Variants in ITFG1 observed in about 807,000 individuals in gnomAD.
The protein encoded by ITFG1 is integrin alpha FG-GAP repeat containing 1.
A neutral mutation model predicts 81.8 loss-of-function variants in ITFG1; 34 were observed. The ratio of observed to expected loss-of-function variants is 0.42; its 90% CI spans 0.32 to 0.55. The LOEUF (loss-of-function observed/expected upper bound fraction) is 0.55. Ranked by LOEUF, ITFG1 falls within the 20% of genes least tolerant of loss-of-function variation. ITFG1 has a pLI of 0.17. For missense variants in ITFG1, 672 were observed against 755.4 expected (o/e 0.89, Z 1.29); for synonymous variants, 285 against 270.6 (o/e 1.05, Z -0.52).
intron 8 of ITFG1, among the ~76,000 whole-genome samples, chr16:47,338,655 CT>C (rs879271028): frequency 1.4e-3 from 202 of 141,620 alleles, no homozygotes; most frequent in Admixed American, 2.2e-3. Context: ...AAAAACTTTA[CT>C]TTTTTTTTTT....
In ITFG1 at chr16:47,205,276, T is replaced by C. The variant is rs183120393; in HGVS notation, c.1453+13592A>G. On this transcript the variant is annotated intron_variant, in intron 14 of 17. Transcript: ENST00000320640. ...TGTTATAGTTTGCTTAGCAGCCTCCTGGCCTCTATCCACTAGATGCCAGTA... is the reference window on the plus strand; with the variant it reads ...TGTTATAGTTTGCTTAGCAGCCTCCCGGCCTCTATCCACTAGATGCCAGTA... Among the ~76,000 whole-genome samples the C allele has an allele frequency of 3.0e-4, 45 of 152,336 alleles. 1 individual carries two copies. The highest frequency in any genetic ancestry group is 2.7e-3 in the Admixed American group (42 of 15,304).
Position 47,460,830 on chromosome 16 carries a change from GC to G in ITFG1, c.208+7del. On this transcript the variant is annotated splice_region_variant and intron_variant, in intron 1 of 17. Transcript: ENST00000320640. ...AGCGAACAGAGGGAGGGCCCGGCAA[GC>G]ACTGACTTTCCCGCAGCACGAAGAG... The G allele has an allele frequency of 2.5e-6, 4 of 1,612,848 alleles. No homozygotes were observed. Among genetic ancestry groups the G allele is most frequent in the Non-Finnish European group, 3.4e-6 (4 of 1,179,674 alleles).
chr16:47,433,275 T>C (rs1377669937), intron 5 of ITFG1, among the ~76,000 whole-genome samples: 1 of 152,252 alleles, frequency 6.6e-6, no homozygotes, highest in Non-Finnish European at 1.5e-5. Context: ...TGGGCCCATA[T>C]ACTCCTTTAA....
chr16:47,244,591 TTGTGTGTGTGTG>T (rs57470225), intron 12 of ITFG1, among the ~76,000 whole-genome samples: 19,478 of 118,026 alleles, frequency 0.17, 1,857 homozygotes, highest in Middle Eastern at 0.24. Flanking sequence ...ATTCCATCTT[TTGTGTGTGTGTG>T]TGTGTGTGTG....
At chr16:47,274,870 T>A (rs1302844980) in intron 10 of ITFG1, among the ~76,000 whole-genome samples, 2 of 152,186 alleles carry the variant, frequency 1.3e-5, no homozygotes, top group Non-Finnish European at 2.9e-5. Flanking sequence ...TTAAATACCA[T>A]AGCCATAATG....
At chr16:47,186,084 C>G (rs1965210751) in intron 14 of ITFG1, among the ~76,000 whole-genome samples, 1 of 152,056 alleles carries the variant, frequency 6.6e-6, no homozygotes, top group Non-Finnish European at 1.5e-5. Flanking sequence ...TCTGAATAGA[C>G]CAATAACAGG....
intron 12 of ITFG1, among the ~76,000 whole-genome samples, chr16:47,251,931 A>G (rs1966080906): frequency 6.6e-6 from 1 of 152,252 alleles, no homozygotes; most frequent in Non-Finnish European, 1.5e-5. Flanking sequence ...AACCACAGAA[A>G]GTGAAACTGT....
At chr16:47,346,447 A>G (rs1366023765) in intron 8 of ITFG1, among the ~76,000 whole-genome samples, 2 of 152,216 alleles carry the variant, frequency 1.3e-5, no homozygotes, top group Non-Finnish European at 2.9e-5. Flanking sequence ...GACTACAGCA[A>G]TAAACACATA....
chr16:47,255,053 C>T (rs1966124171), intron 12 of ITFG1, among the ~76,000 whole-genome samples: 1 of 152,152 alleles, frequency 6.6e-6, no homozygotes, highest in African/African-American at 2.4e-5. Flanking sequence ...CGCCACTGCA[C>T]TCCAGTCTGG....
At chr16:47,414,215 G>A (rs1326153653) in intron 6 of ITFG1, among the ~76,000 whole-genome samples, 2 of 151,310 alleles carry the variant, frequency 1.3e-5, no homozygotes, top group African/African-American at 4.9e-5. Flanking sequence ...ATGTTTAACT[G>A]AATTTTACAA....
chr16:47,312,417 G>T (rs372060932), intron 9 of ITFG1: 2 of 151,858 alleles, frequency 1.3e-5, no homozygotes, highest in East Asian at 1.9e-4. Flanking sequence ...AATAAACAGG[G>T]TATCTCCAAC....
chr16:47,413,889 T>C (rs183824560), intron 6 of ITFG1, among the ~76,000 whole-genome samples: 2 of 152,254 alleles, frequency 1.3e-5, no homozygotes, highest in Admixed American at 6.5e-5. Context: ...GGTGCGATCT[T>C]GGCTCACTGC....
intron 13 of ITFG1, among the ~76,000 whole-genome samples, chr16:47,228,998 A>G (rs1438762778): frequency 6.6e-6 from 1 of 152,212 alleles, no homozygotes; most frequent in Non-Finnish European, 1.5e-5. Flanking sequence ...AAACTTATCA[A>G]TGACGGCCCA....
At chr16:47,297,389 C>CT (rs1966999297) in intron 10 of ITFG1, among the ~76,000 whole-genome samples, 1 of 152,186 alleles carries the variant, frequency 6.6e-6, no homozygotes, top group East Asian at 1.9e-4. Flanking sequence ...CAATTTATAT[C>CT]TTTTAAGTGG....
At chr16:47,297,072 A>C (rs1299523535) in intron 10 of ITFG1, among the ~76,000 whole-genome samples, 1 of 152,068 alleles carries the variant, frequency 6.6e-6, no homozygotes, top group Non-Finnish European at 1.5e-5. Context: ...CTTTAGGTGT[A>C]GTAATATTTG....
chr16:47,424,896 G>C (rs1464036892), intron 6 of ITFG1, among the ~76,000 whole-genome samples: 1 of 152,120 alleles, frequency 6.6e-6, no homozygotes, highest in Non-Finnish European at 1.5e-5. Context: ...TGGGGTCAGG[G>C]ACCCACTTGA....
At chr16:47,267,410 C>T (rs995884654) in intron 10 of ITFG1, among the ~76,000 whole-genome samples, 3 of 152,034 alleles carry the variant, frequency 2.0e-5, no homozygotes, top group Non-Finnish European at 4.4e-5. Context: ...CTTCAAATAA[C>T]ATGAAACAAA....
rs140215823 is a variant in ITFG1, at chr16:47,288,759, G to A, written c.1070+22481C>T. 2.0e-3 allele frequency among the ~76,000 whole-genome samples: 306 copies of A among 152,238 alleles called. 3 individuals are homozygous for A. The highest frequency in any genetic ancestry group is 2.5e-3 in the Non-Finnish European group (167 of 68,006). On this transcript the variant is annotated intron_variant, in intron 10 of 17. Coordinates refer to ENST00000320640, the MANE Select transcript of ITFG1 (RefSeq NM_030790.5). ...ACCAGAAACACAAAAACTAGCCAGC[G>A]TGGTGGTGCACACCTGTAGTCCCAG... is the stretch of plus-strand genomic sequence containing the variant.
chr16:47,439,823 T>A (rs1182096938), intron 5 of ITFG1, among the ~76,000 whole-genome samples: 2 of 152,062 alleles, frequency 1.3e-5, no homozygotes, highest in African/African-American at 2.4e-5. Flanking sequence ...AGGATAAAAT[T>A]CACACATAAC....
Sources: allele counts gnomAD v4.1 joint callset (sites outside exome capture counted in the v4.1 genomes callset), GRCh38; gene constraint gnomAD v4.1.1; transcripts MANE v1.5; gene names NCBI Gene and HGNC (gene_info 2026-07-23, HGNC 2026-07-21).